Variants in CEP85L observed in about 807,000 individuals in gnomAD.
The protein encoded by CEP85L is centrosomal protein of 85 kDa-like.
A neutral mutation model predicts 100.3 loss-of-function variants in CEP85L; 60 were observed. The observed-to-expected ratio is 0.60, with a 90% CI of 0.49 to 0.74. The LOEUF (loss-of-function observed/expected upper bound fraction) is 0.74. Among genes scored for constraint, CEP85L ranks in the 30% least tolerant of loss-of-function variants. The pLI, the probability that CEP85L is intolerant of heterozygous loss-of-function variation, is 0.00. For synonymous variants in CEP85L, 319 were observed against 322.7 expected (o/e 0.99, Z 0.12); for missense variants, 973 against 936.2 (o/e 1.04, Z -0.51).
chr6:118,699,096 G>A (rs1408916736), intron 1 of CEP85L, among the ~76,000 whole-genome samples: 2 of 152,124 alleles, frequency 1.3e-5, no homozygotes, highest in African/African-American at 2.4e-5. Flanking sequence ...AATACAAAGA[G>A]TCTTAAGACA....
chr6:118,620,716 A>C (rs533473857), intron 2 of CEP85L, among the ~76,000 whole-genome samples: 163 of 152,268 alleles, frequency 1.1e-3, no homozygotes, highest in African/African-American at 3.8e-3. Context: ...TTCCTCCTGG[A>C]CACCAGCACG....
chr6:118,624,194 A>G (rs971527950), intron 2 of CEP85L, among the ~76,000 whole-genome samples: 2 of 152,176 alleles, frequency 1.3e-5, no homozygotes, highest in African/African-American at 4.8e-5. Flanking sequence ...TCTACCTAAT[A>G]GAGGATAAGC....
intron 5 of CEP85L, chr6:118,502,234 CATT>C: frequency 1.6e-6 from 1 of 630,706 alleles, no homozygotes; most frequent in Non-Finnish European, 2.9e-6. Context: ...TTATGTACCG[CATT>C]ATGACTCCAC....
At chr6:118,473,826 G>A (rs2114463849) in intron 10 of CEP85L, among the ~76,000 whole-genome samples, 1 of 152,118 alleles carries the variant, frequency 6.6e-6, no homozygotes, top group East Asian at 1.9e-4. Context: ...GAGGAGTCAA[G>A]GATAAATCTA....
At chr6:118,532,907 G>A (rs186397403) in intron 3 of CEP85L, among the ~76,000 whole-genome samples, 81 of 152,082 alleles carry the variant, frequency 5.3e-4, no homozygotes, top group Non-Finnish European at 1.0e-3. Context: ...ATCATTTTGG[G>A]GGATCACTGA....
At chr6:118,624,699 C>T (rs1178412028) in intron 2 of CEP85L, among the ~76,000 whole-genome samples, 3 of 152,250 alleles carry the variant, frequency 2.0e-5, no homozygotes, top group Non-Finnish European at 4.4e-5. Context: ...TCACCAAGGA[C>T]AAATGACCCA....
At chr6:118,515,528 A>C (rs1379627799) in intron 4 of CEP85L, among the ~76,000 whole-genome samples, 1 of 152,222 alleles carries the variant, frequency 6.6e-6, no homozygotes, top group Non-Finnish European at 1.5e-5. Flanking sequence ...AAAAGAATTC[A>C]ATTCATATAG....
rs1366566008 is a variant in CEP85L at position 118,579,629 on chromosome 6, T to C, written c.233-13313A>G. On this transcript the variant is annotated intron_variant, in intron 2 of 12. Transcript: ENST00000368491. ...TCTTAGAAATAAAACTATTACTTTA[T>C]GATAGGACAGATAATAAATGATAAT... 4.6e-5 allele frequency among the ~76,000 whole-genome samples: 7 copies of C among 152,358 alleles called. No individual in the cohort carries two copies. In the East Asian group the frequency reaches 1.3e-3, roughly 29 times the overall value.
chr6:118,534,204 C>A (rs573464299), intron 3 of CEP85L, among the ~76,000 whole-genome samples: 24 of 152,084 alleles, frequency 1.6e-4, no homozygotes, highest in African/African-American at 5.3e-4. Flanking sequence ...AATTCAGGGT[C>A]AATTTTTTTT....
At position 118,668,012 on chromosome 6, in the gene CEP85L, T is replaced by A. The variant is rs9285430; in HGVS notation, c.-27-15204A>T. On this transcript the variant is annotated intron_variant, in intron 1 of 13. Transcript: ENST00000368488. ...GGCTGAGCAAATATCTCCCCAGCCC[T>A]CTCCTCAATTTTGCAAAAAGCAAAA... Among the ~76,000 whole-genome samples, 39 of 152,054 alleles carry A rather than the reference T, an allele frequency of 2.6e-4. No individual in the cohort carries two copies. The South Asian group carries it at 8.1e-3, about 32-fold the overall frequency.
At chr6:118,501,577 A>G (rs1307853749) in intron 5 of CEP85L, 1 of 543,036 alleles carries the variant, frequency 1.8e-6, no homozygotes, top group East Asian at 4.6e-5. Flanking sequence ...ACAGTGAAGA[A>G]CTAACGGATA....
chr6:118,521,741 T>C (rs1776680208), intron 4 of CEP85L, among the ~76,000 whole-genome samples: 1 of 152,064 alleles, frequency 6.6e-6, no homozygotes, highest in South Asian at 2.1e-4. Flanking sequence ...TGACAGAACA[T>C]GTGGAGTAAG....
At chr6:118,604,324 G>A (rs908189646) in intron 2 of CEP85L, among the ~76,000 whole-genome samples, 17 of 151,974 alleles carry the variant, frequency 1.1e-4, no homozygotes, top group South Asian at 6.2e-4. Flanking sequence ...TTTAATTTAC[G>A]GAAAAACTGA....
intron 5 of CEP85L, among the ~76,000 whole-genome samples, chr6:118,495,190 G>C (rs183740193): frequency 2.0e-5 from 3 of 151,924 alleles, no homozygotes; most frequent in African/African-American, 7.3e-5. Context: ...TTGGACTTTC[G>C]GGTTAATGCT....
At chr6:118,494,975 G>C (rs1774827503) in intron 5 of CEP85L, among the ~76,000 whole-genome samples, 1 of 151,848 alleles carries the variant, frequency 6.6e-6, no homozygotes, top group Admixed American at 6.6e-5. Context: ...AAAAATTCTA[G>C]AAAAGAATAA....
chr6:118,569,087 T>A lies in CEP85L; in HGVS notation c.233-2771A>T, dbSNP rs1779717029. ...TGGGGGCAGTGGCTCACACCTGTAATTCCAGCAATTTGGGAGGCCAAGGCA... is the reference window on the plus strand; with the variant it reads ...TGGGGGCAGTGGCTCACACCTGTAAATCCAGCAATTTGGGAGGCCAAGGCA... On this transcript the variant is annotated intron_variant, in intron 2 of 12. Transcript: ENST00000368491. Among the ~76,000 whole-genome samples the A allele has an allele frequency of 1.3e-5, 2 of 152,048 alleles. 1 individual carries two copies. The highest frequency in any genetic ancestry group is 4.1e-4 in the South Asian group (2 of 4,836).
chr6:118,562,980 A>G (rs559507110), intron 3 of CEP85L, among the ~76,000 whole-genome samples: 4 of 152,258 alleles, frequency 2.6e-5, no homozygotes, highest in African/African-American at 9.6e-5. Flanking sequence ...CAAGGGGGCC[A>G]TGGAAAGGGA....
intron 1 of CEP85L, among the ~76,000 whole-genome samples, chr6:118,706,968 C>G (rs996022050): frequency 6.6e-6 from 1 of 152,178 alleles, no homozygotes; most frequent in Non-Finnish European, 1.5e-5. Flanking sequence ...TAACCATTCT[C>G]TTCAGTATCT....
At chr6:118,504,065 C>T (rs142403284) in intron 5 of CEP85L, among the ~76,000 whole-genome samples, 2 of 151,978 alleles carry the variant, frequency 1.3e-5, no homozygotes, top group Non-Finnish European at 2.9e-5. Flanking sequence ...ACAAAAAAAA[C>T]CTGTTATCCA....
Sources: allele counts gnomAD v4.1 joint callset (sites outside exome capture counted in the v4.1 genomes callset), GRCh38; gene constraint gnomAD v4.1.1; transcripts MANE v1.5; gene names NCBI Gene and HGNC (gene_info 2026-07-23, HGNC 2026-07-21).